PBX2: variants seen among roughly 807,000 people sequenced by gnomAD.
PBX2 encodes the protein PBX homeobox 2.
PBX2 carries 10 observed loss-of-function variants against 46.5 expected under a neutral mutation model. That is an observed-to-expected ratio of 0.21 (90% confidence interval 0.13 to 0.36). PBX2 has a LOEUF of 0.36. Ranked by LOEUF, PBX2 falls within the 10% of genes least tolerant of loss-of-function variation. The pLI, the probability that PBX2 is intolerant of heterozygous loss-of-function variation, is 1.00. For missense variants in PBX2, 392 were observed against 580.5 expected (o/e 0.68, Z 3.34); for synonymous variants, 160 against 222.5 (o/e 0.72, Z 2.50).
At position 32,188,556 on chromosome 6, in the gene PBX2, C is replaced by G; in HGVS notation, c.296-52G>C. 1 of 1,595,124 alleles carries G rather than the reference C, an allele frequency of 6.3e-7. No individual in the cohort carries two copies. The highest frequency in any genetic ancestry group is 8.6e-7 in the Non-Finnish European group (1 of 1,168,500). ...GACCCAGAGACCCCAATACCCAGTG[C>G]TCAGTCCTCCTGGTGCTTCCTGGAG... On this transcript the variant is annotated intron_variant, in intron 2 of 8. Coordinates refer to ENST00000375050, the MANE Select transcript of PBX2 (RefSeq NM_002586.5). This position sits in a 1 kb window ranked among gnomAD's most constrained non-coding sequence, Gnocchi z 6.5.
rs142133022 is a variant in PBX2, at chr6:32,186,537, A to G, written c.1201-63T>C. 1.1e-3 allele frequency: 1,761 copies of G among 1,569,596 alleles called. 19 individuals carry two copies. The highest frequency in any genetic ancestry group is 1.8e-4 in the Non-Finnish European group (204 of 1,139,488). On this transcript the variant is annotated intron_variant, in intron 8 of 8. Coordinates refer to ENST00000375050, the MANE Select transcript of PBX2 (RefSeq NM_002586.5). The surrounding 1 kb of genome is among the most constrained non-coding windows in gnomAD (Gnocchi z 4.2). ...CCTGGGAACCCTGTGTGGGCACAAC[A>G]TTACTAGGGAAAATGCCCCTCTGTC...
chr6:32,187,113 C>A lies in PBX2; in HGVS notation c.1024+129G>T. 8.1e-7 allele frequency: 1 copy of A among 1,227,810 alleles called. No homozygotes were observed. Among genetic ancestry groups the A allele is most frequent in the South Asian group, 1.4e-5 (1 of 71,086 alleles). 76.1% of individuals were successfully genotyped at this position (1,227,810 alleles called of 1,614,324 possible). On this transcript the variant is annotated intron_variant, in intron 6 of 8. Transcript: ENST00000375050. This position sits in a 1 kb window ranked among gnomAD's most constrained non-coding sequence, Gnocchi z 7.7. Reference sequence around the variant, plus strand: ...AATGGCCTCTGTCCCCTGACATCTCCAGCCTATCTCAGCTCGGTCCCTCTC... The same window carrying A: ...AATGGCCTCTGTCCCCTGACATCTCAAGCCTATCTCAGCTCGGTCCCTCTC...
rs779408475 is a variant in PBX2 at position 32,186,407 on chromosome 6, C to T, written c.1268G>A (p.Ser423Asn). 1.3e-5 allele frequency: 21 copies of T among 1,610,930 alleles called. No homozygotes were observed. The East Asian group carries it at 3.3e-4, about 26-fold the overall frequency. Residue 423 changes from serine (S) to asparagine (N), a missense_variant, in exon 9 of 9, where the codon AGT (serine) becomes AAT (asparagine). Physicochemically the swap from Ser to Asn is conservative, Grantham distance 46 (BLOSUM62 1). Coordinates refer to ENST00000375050, the MANE Select transcript of PBX2 (RefSeq NM_002586.5). The surrounding 1 kb of genome is among the most constrained non-coding windows in gnomAD (Gnocchi z 4.2). The part of the protein sequence containing the change: ...SVTSPTEGPG[S>N]VHSDTSN Reference sequence around the variant, plus strand: ...TCAGTTGGAGGTATCAGAGTGAACACTCCCTGGTCCCTCCGTTGGGGATGT... The same window carrying T: ...TCAGTTGGAGGTATCAGAGTGAACATTCCCTGGTCCCTCCGTTGGGGATGT...
rs1327291704 is a variant in PBX2, at chr6:32,188,063, T to C, written c.637A>G (p.Ser213Gly). 1 of 1,597,182 alleles carries C rather than the reference T, an allele frequency of 6.3e-7. No individual in the cohort carries two copies. The highest frequency in any genetic ancestry group is 8.5e-7 in the Non-Finnish European group (1 of 1,170,880). Residue 213 changes from serine (S) to glycine (G), a missense_variant, in exon 4 of 9, where the codon AGC (serine) becomes GGC (glycine). Ser to Gly is a moderately conservative substitution (Grantham distance 56). Transcript: ENST00000375050. The surrounding 1 kb of genome is among the most constrained non-coding windows in gnomAD (Gnocchi z 6.5). ...GCGCTGAACTTTCGATGGATGATGC[T>C]CACCATGCGTTCCATCTCTTTGGGG... is the stretch of plus-strand genomic sequence containing the variant. ...VAPKEMERMVSIIHRKFSAIQ... is the reference protein window; with the variant it reads ...VAPKEMERMVGIIHRKFSAIQ...
Position 32,187,538 on chromosome 6 carries a change from T to A in PBX2, c.870+109A>T. ...CCAGGCTGGTCTCCAATTCAAGTGA[T>A]CCTCCCACTTCAGCCTCCCTAGTAG... is the stretch of plus-strand genomic sequence containing the variant. On this transcript the variant is annotated intron_variant, in intron 5 of 8. Transcript: ENST00000375050. This position sits in a 1 kb window ranked among gnomAD's most constrained non-coding sequence, Gnocchi z 7.7. The A allele has an allele frequency of 6.7e-7, 1 of 1,501,496 alleles. No homozygotes were observed. Among genetic ancestry groups the A allele is most frequent in the Non-Finnish European group, 9.0e-7 (1 of 1,108,164 alleles). The allele number at this position is 1,501,496 out of a possible 1,614,324, so 93.0% of individuals were successfully genotyped here. A position where few individuals can be genotyped will look rare whatever the true frequency, so the allele number is the denominator to read the frequency against.
chr6:32,186,595 T>A lies in PBX2; in HGVS notation c.1200+9A>T. On this transcript the variant is annotated intron_variant, in intron 8 of 8. Transcript: ENST00000375050. The surrounding 1 kb of genome is among the most constrained non-coding windows in gnomAD (Gnocchi z 4.2). ...AACTGGACAGAGAGGAGCTTCAGGA[T>A]CCACTCACCCTCATTTCCCGTGGGC... is the stretch of plus-strand genomic sequence containing the variant. 1 of 1,604,158 alleles carries A rather than the reference T, an allele frequency of 6.2e-7. No homozygotes were observed. The highest frequency in any genetic ancestry group is 8.5e-7 in the Non-Finnish European group (1 of 1,171,136).
At position 32,186,913 on chromosome 6, in the gene PBX2, A is replaced by T; in HGVS notation, c.1025-12T>A. 6.2e-7 allele frequency: 1 copy of T among 1,610,032 alleles called. No homozygotes were observed. The highest frequency in any genetic ancestry group is 8.5e-7 in the Non-Finnish European group (1 of 1,177,270). On this transcript the variant is annotated splice_polypyrimidine_tract_variant and intron_variant, in intron 6 of 8. Coordinates refer to ENST00000375050, the MANE Select transcript of PBX2 (RefSeq NM_002586.5). The surrounding 1 kb of genome is among the most constrained non-coding windows in gnomAD (Gnocchi z 4.2). ...AGAGCCGCCAGAGCCTTGTGGGGGC[A>T]GAGAGGGAAGAGTGTAATAGAGCCC...
rs1265752134 is a variant in PBX2 at position 32,189,873 on chromosome 6, G to A, written c.43C>T (p.Arg15Trp). Residue 15 changes from arginine (R) to tryptophan (W), a missense_variant, in exon 1 of 9, where the codon CGG becomes TGG. By Grantham distance (101) the Arg-to-Trp change is moderately radical (BLOSUM62 -3). Coordinates refer to ENST00000375050, the MANE Select transcript of PBX2 (RefSeq NM_002586.5). The surrounding 1 kb of genome is among the most constrained non-coding windows in gnomAD (Gnocchi z 4.7). The stretch of plus-strand genomic sequence containing the variant: ...CCACTCACCAATCCCAGGCCCCCCC[G>A]GCCCCCGCCTGGAGGGGGCGGCCCC... ...LLGPPPPGGG[R>W]GGLGLVSGEP... 1.5e-6 allele frequency: 2 copies of A among 1,335,072 alleles called. No homozygotes were observed. The highest frequency in any genetic ancestry group is 2.0e-5 in the African/African-American group (1 of 49,846). 82.7% of individuals were successfully genotyped at this position (1,335,072 alleles called of 1,614,324 possible). A position where few individuals can be genotyped will look rare whatever the true frequency, so the allele number is the denominator to read the frequency against.
chr6:32,185,712 T>C lies in PBX2; in HGVS notation c.*670A>G, dbSNP rs1383152052. 1 of 148,374 alleles carries C rather than the reference T, an allele frequency of 6.7e-6. No individual in the cohort carries two copies. The highest frequency in any genetic ancestry group is 2.0e-4 in the East Asian group (1 of 5,062). The allele number at this position is 148,374 out of a possible 1,614,324, so 9.2% of individuals were successfully genotyped here. On this transcript the variant is annotated 3_prime_UTR_variant, in exon 9 of 9. Transcript: ENST00000375050. ...TTTTCTTTCTTTAAAAAAAAAAAAG[T>C]TCAACCCCAAAGCCCAGTCAATAAT...
rs114902592 is a variant in PBX2 at position 32,189,118 on chromosome 6, G to A, written c.222-322C>T. 15,511 of 471,552 alleles carry A rather than the reference G, an allele frequency of 0.033. 322 individuals are homozygous for A. Among genetic ancestry groups the A allele is most frequent in the Non-Finnish European group, 0.04 (10,244 of 259,340 alleles). The allele number at this position is 471,552 out of a possible 1,614,324, so 29.2% of individuals were successfully genotyped here. ...GAAAGTGACTTGGTAGGTTTCAGAG[G>A]GAGAGAGACAGAGGCTGGGGTTGAG... On this transcript the variant is annotated intron_variant, in intron 1 of 8. Transcript: ENST00000375050. This position sits in a 1 kb window ranked among gnomAD's most constrained non-coding sequence, Gnocchi z 4.7.
At position 32,187,033 on chromosome 6, in the gene PBX2, G is replaced by A; in HGVS notation, c.1025-132C>T. On this transcript the variant is annotated intron_variant, in intron 6 of 8. Coordinates refer to ENST00000375050, the MANE Select transcript of PBX2 (RefSeq NM_002586.5). This position sits in a 1 kb window ranked among gnomAD's most constrained non-coding sequence, Gnocchi z 7.7. The stretch of plus-strand genomic sequence containing the variant: ...AAAATAACATTCCAACACACAGAAA[G>A]AGCAGGCTGTTCCTTGGCCACCCGT... The A allele has an allele frequency of 9.5e-7, 1 of 1,050,018 alleles. No homozygotes were observed. Among genetic ancestry groups the A allele is most frequent in the Non-Finnish European group, 1.4e-6 (1 of 710,120 alleles). The allele number at this position is 1,050,018 out of a possible 1,614,324, so 65.0% of individuals were successfully genotyped here. A position where few individuals can be genotyped will look rare whatever the true frequency, so the allele number is the denominator to read the frequency against.
rs745495354 is a variant in PBX2 at position 32,188,324 on chromosome 6, G to A, written c.476C>T (p.Ser159Leu). The change falls in exon 3 of 9, where the codon TCG becomes TTG. Residue 159 changes from serine (S) to leucine (L), a missense_variant. Physicochemically the swap from Ser to Leu is moderately radical, Grantham distance 145. Transcript: ENST00000375050. The surrounding 1 kb of genome is among the most constrained non-coding windows in gnomAD (Gnocchi z 6.5). ...CTGGGCAAGTTTGCTGCGATAGTCCGAGTGTTCGATGGAGTTGTCAGGGGA... is the reference window on the plus strand; with the variant it reads ...CTGGGCAAGTTTGCTGCGATAGTCCAAGTGTTCGATGGAGTTGTCAGGGGA... Reference protein sequence around the residue: ...GVSPDNSIEHSDYRSKLAQIR... With the variant: ...GVSPDNSIEHLDYRSKLAQIR... 12 of 1,614,104 alleles carry A rather than the reference G, an allele frequency of 7.4e-6. No individual in the cohort carries two copies. The South Asian group carries it at 7.7e-5, about 10-fold the overall frequency.
Position 32,187,828 on chromosome 6 carries a change from G to A in PBX2, c.735-46C>T. ...CAGTGAGGAGGATGTTGATGTCCTG[G>A]CAGGGCTGTCACATGGCATGACCCC... On this transcript the variant is annotated intron_variant, in intron 4 of 8. Transcript: ENST00000375050. The surrounding 1 kb of genome is among the most constrained non-coding windows in gnomAD (Gnocchi z 7.7). 1.2e-6 allele frequency: 2 copies of A among 1,604,172 alleles called. No individual in the cohort carries two copies. Among genetic ancestry groups the A allele is most frequent in the Non-Finnish European group, 1.7e-6 (2 of 1,175,036 alleles).
chr6:32,186,920 G>C lies in PBX2; in HGVS notation c.1025-19C>G, dbSNP rs368390075. Reference sequence around the variant, plus strand: ...CCAGAGCCTTGTGGGGGCAGAGAGGGAAGAGTGTAATAGAGCCCGTGATGG... The same window carrying C: ...CCAGAGCCTTGTGGGGGCAGAGAGGCAAGAGTGTAATAGAGCCCGTGATGG... On this transcript the variant is annotated intron_variant, in intron 6 of 8. Coordinates refer to ENST00000375050, the MANE Select transcript of PBX2 (RefSeq NM_002586.5). This position sits in a 1 kb window ranked among gnomAD's most constrained non-coding sequence, Gnocchi z 4.2. The C allele has an allele frequency of 7.1e-5, 114 of 1,607,416 alleles. No homozygotes were observed. The highest frequency in any genetic ancestry group is 9.3e-5 in the Non-Finnish European group (109 of 1,175,126).
rs1040664458 is a variant in PBX2 at position 32,188,761 on chromosome 6, G to A, written c.257C>T (p.Ala86Val). Residue 86 changes from alanine to valine, a missense_variant, in exon 2 of 9, where the codon GCT (alanine) becomes GTT (valine). Coordinates refer to ENST00000375050, the MANE Select transcript of PBX2 (RefSeq NM_002586.5). The surrounding 1 kb of genome is among the most constrained non-coding windows in gnomAD (Gnocchi z 6.5). ...GATTTCACACAGGACGCTAAAGAGA[G>A]CAGGCTTCATTCGGTGGCAGTTTAG... The part of the protein sequence containing the change: ...HALNCHRMKP[A>V]LFSVLCEIKE... 2.5e-6 allele frequency: 4 copies of A among 1,613,042 alleles called. No individual in the cohort carries two copies. The highest frequency in any genetic ancestry group is 3.4e-6 in the Non-Finnish European group (4 of 1,180,030).
At position 32,186,964 on chromosome 6, in the gene PBX2, T is replaced by C; in HGVS notation, c.1025-63A>G. On this transcript the variant is annotated intron_variant, in intron 6 of 8. Coordinates refer to ENST00000375050, the MANE Select transcript of PBX2 (RefSeq NM_002586.5). This position sits in a 1 kb window ranked among gnomAD's most constrained non-coding sequence, Gnocchi z 4.2. ...GTGATGGTAGAGGATGAACCACAAC[T>C]CTCAACTCTTGTGGGGACATGCTAC... The C allele has an allele frequency of 7.2e-7, 1 of 1,380,054 alleles. No homozygotes were observed. The highest frequency in any genetic ancestry group is 1.0e-6 in the Non-Finnish European group (1 of 971,054). The allele number at this position is 1,380,054 out of a possible 1,614,324, so 85.5% of individuals were successfully genotyped here. A position where few individuals can be genotyped will look rare whatever the true frequency, so the allele number is the denominator to read the frequency against.
rs750366628 is a variant in PBX2 at position 32,187,283 on chromosome 6, C to T, written c.983G>A (p.Gly328Asp). The T allele has an allele frequency of 1.1e-5, 18 of 1,612,838 alleles. No individual in the cohort carries two copies. The South Asian group carries it at 1.8e-4, about 16-fold the overall frequency. Residue 328 changes from glycine to aspartate, a missense_variant, in exon 6 of 9, where the codon GGC (glycine) becomes GAC (aspartate). This residue lies in a region of PBX2 where 116 missense variants were observed against 157.9 expected (regional missense o/e 0.73). Coordinates refer to ENST00000375050, the MANE Select transcript of PBX2 (RefSeq NM_002586.5). This position sits in a 1 kb window ranked among gnomAD's most constrained non-coding sequence, Gnocchi z 7.7. ...VKTAVSVTQG[G>D]HSRTSSPTPP... Reference sequence around the variant, plus strand: ...TGTCGGGGAGCTGGTGCGGCTGTGGCCCCCCTGGGTGACTGACACGGCGGT... The same window carrying T: ...TGTCGGGGAGCTGGTGCGGCTGTGGTCCCCCTGGGTGACTGACACGGCGGT...
In PBX2 at chr6:32,187,372, C is replaced by T. The variant is rs1181921968; in HGVS notation, c.894G>A (p.Lys298=). The change falls in exon 6 of 9, where the codon AAG becomes AAA. Residue 298 remains lysine, a synonymous_variant. Coordinates refer to ENST00000375050, the MANE Select transcript of PBX2 (RefSeq NM_002586.5). This position sits in a 1 kb window ranked among gnomAD's most constrained non-coding sequence, Gnocchi z 7.7. ...VSQVSNWFGN[K]RIRYKKNIGK... is the part of the protein sequence containing the mutation. ...CGATGTTTTTCTTATAGCGAATCCTCTTGTTGCCAAACCAGTTGGAGACCT... is the reference window on the plus strand; with the variant it reads ...CGATGTTTTTCTTATAGCGAATCCTTTTGTTGCCAAACCAGTTGGAGACCT... The T allele has an allele frequency of 2.8e-5, 45 of 1,613,048 alleles. No individual in the cohort carries two copies. Among genetic ancestry groups the T allele is most frequent in the Non-Finnish European group, 3.7e-5 (44 of 1,180,022 alleles).
In PBX2 at chr6:32,187,800, G is replaced by T. The variant is rs747675032; in HGVS notation, c.735-18C>A. 30 of 1,611,350 alleles carry T rather than the reference G, an allele frequency of 1.9e-5. No homozygotes were observed. The highest frequency in any genetic ancestry group is 2.5e-5 in the Non-Finnish European group (29 of 1,179,174). On this transcript the variant is annotated intron_variant, in intron 4 of 8. Coordinates refer to ENST00000375050, the MANE Select transcript of PBX2 (RefSeq NM_002586.5). The surrounding 1 kb of genome is among the most constrained non-coding windows in gnomAD (Gnocchi z 7.7). ...GCTTTCGTCTACAGAGGAGGGAGAA[G>T]AGCAGTGAGGAGGATGTTGATGTCC...
Sources: allele counts gnomAD v4.1 joint callset, GRCh38; gene constraint gnomAD v4.1.1; regional missense constraint gnomAD v4.1.1; non-coding constraint Gnocchi (gnomAD v3.1); transcripts MANE v1.5; gene names NCBI Gene and HGNC (gene_info 2026-07-23, HGNC 2026-07-21).